DACH2: variants seen among roughly 807,000 people sequenced by gnomAD.
The protein encoded by DACH2 is dachshund family transcription factor 2.
DACH2 carries 17 observed loss-of-function variants against 35.8 expected under a neutral mutation model. That is an observed-to-expected ratio of 0.48 (90% CI 0.33 to 0.71). The LOEUF (loss-of-function observed/expected upper bound fraction) is 0.71, where lower values mean the gene tolerates loss of function less well. DACH2 is among the 30% of genes least tolerant of loss of function. DACH2 has a pLI of 0.02. For missense variants in DACH2, 469 were observed against 472.7 expected (o/e 0.99, Z 0.07); for synonymous variants, 195 against 177.3 (o/e 1.10, Z -0.79).
chrX:86,683,179 T>A (rs773750994), intron 4 of DACH2, among the ~76,000 whole-genome samples: 4 of 111,890 alleles, frequency 3.6e-5, no homozygotes, highest in African/African-American at 1.3e-4. Context: ...TACAGCAATA[T>A]GAAAATTATT....
chrX:86,605,444 A>G (rs2039844564), intron 3 of DACH2, among the ~76,000 whole-genome samples: 1 of 110,466 alleles, frequency 9.1e-6, no homozygotes, highest in Non-Finnish European at 1.9e-5. Flanking sequence ...TTCTATAAAG[A>G]TGTCACCCAT....
chrX:86,766,955 T>C (rs1252447282), intron 7 of DACH2, among the ~76,000 whole-genome samples: 1 of 111,679 alleles, frequency 9.0e-6, no homozygotes, highest in Admixed American at 9.6e-5. Context: ...TTTGCAGCTG[T>C]TCAATATGGT....
chrX:86,174,376 C>T (rs1161713791), intron 1 of DACH2, among the ~76,000 whole-genome samples: 1 of 110,198 alleles, frequency 9.1e-6, no homozygotes, highest in Non-Finnish European at 1.9e-5. Flanking sequence ...ATCCTCCTGC[C>T]TTCACCTCCC....
intron 11 of DACH2, among the ~76,000 whole-genome samples, chrX:86,826,683 T>C (rs1295520443): frequency 8.9e-6 from 1 of 112,158 alleles, no homozygotes; most frequent in African/African-American, 3.2e-5. Context: ...GATTTGAGAA[T>C]ATCATGTTCT....
chrX:86,666,768 A>G (rs1370690351), intron 4 of DACH2, among the ~76,000 whole-genome samples: 1 of 112,052 alleles, frequency 8.9e-6, no homozygotes, highest in Non-Finnish European at 1.9e-5. Flanking sequence ...GGCAATACAT[A>G]GGTAAGATGC....
intron 1 of DACH2, among the ~76,000 whole-genome samples, chrX:86,318,685 A>T (rs1009234976): frequency 3.6e-5 from 4 of 111,298 alleles, no homozygotes; most frequent in Non-Finnish European, 5.7e-5. Context: ...CCATGTACCT[A>T]AACATGTTAA....
At chrX:86,210,214 T>A (rs191539292) in intron 1 of DACH2, among the ~76,000 whole-genome samples, 3 of 111,654 alleles carry the variant, frequency 2.7e-5, no homozygotes, top group African/African-American at 9.7e-5. Context: ...TCTAGTTTTA[T>A]TTTTCTTCAC....
chrX:86,761,114 G>A (rs2041876012), intron 7 of DACH2, among the ~76,000 whole-genome samples: 1 of 111,143 alleles, frequency 9.0e-6, no homozygotes, highest in East Asian at 2.8e-4. Context: ...TGCCATGGTG[G>A]TTTGCTGCAC....
intron 1 of DACH2, among the ~76,000 whole-genome samples, chrX:86,302,805 G>C (rs1347106510): frequency 9.1e-6 from 1 of 110,079 alleles, no homozygotes; most frequent in Non-Finnish European, 1.9e-5. Context: ...ATATGTTTTA[G>C]GGGAGCCTAA....
At chrX:86,306,870 A>G (rs1377565069) in intron 1 of DACH2, among the ~76,000 whole-genome samples, 1 of 111,737 alleles carries the variant, frequency 8.9e-6, no homozygotes, top group Non-Finnish European at 1.9e-5. Context: ...CTAGAGGAAC[A>G]TAATATAAAT....
At chrX:86,274,406 A>G (rs761431365) in intron 1 of DACH2, among the ~76,000 whole-genome samples, 32 of 109,289 alleles carry the variant, frequency 2.9e-4, no homozygotes, top group Non-Finnish European at 5.3e-4. Flanking sequence ...TTAAGTTGTA[A>G]CATTGTCATA....
chrX:86,617,687 A>G (rs1379069980), intron 3 of DACH2, among the ~76,000 whole-genome samples: 2 of 111,850 alleles, frequency 1.8e-5, no homozygotes, highest in East Asian at 2.8e-4. Flanking sequence ...TGCTCTTTCT[A>G]CCATCAAATA....
At chrX:86,757,208 TACAA>T (rs1199754134) in intron 7 of DACH2, among the ~76,000 whole-genome samples, 1 of 111,844 alleles carries the variant, frequency 8.9e-6, no homozygotes, top group Non-Finnish European at 1.9e-5. Context: ...GATATTTTGA[TACAA>T]ACATTCTGCA....
chrX:86,819,396 T>C (rs2042485944), intron 11 of DACH2, among the ~76,000 whole-genome samples: 1 of 110,820 alleles, frequency 9.0e-6, no homozygotes, highest in South Asian at 3.7e-4. Flanking sequence ...CTGTTTCACA[T>C]AAAATAAACA....
intron 4 of DACH2, among the ~76,000 whole-genome samples, chrX:86,692,448 C>A (rs1458316272): frequency 9.0e-6 from 1 of 110,800 alleles, no homozygotes; most frequent in Non-Finnish European, 1.9e-5. Flanking sequence ...AAAGTTCTCA[C>A]CAAAACATAC....
intron 1 of DACH2, among the ~76,000 whole-genome samples, chrX:86,294,562 C>A (rs1375447726): frequency 3.6e-5 from 4 of 109,987 alleles, no homozygotes; most frequent in South Asian, 4.0e-4. Context: ...GTTTTTCCTA[C>A]TTTTGGTCTT....
At chrX:86,248,646 T>C (rs1041487555) in intron 1 of DACH2, among the ~76,000 whole-genome samples, 13 of 111,162 alleles carry the variant, frequency 1.2e-4, no homozygotes, top group Admixed American at 1.9e-4. Context: ...TTCAATGCTA[T>C]TCCTATCAAT....
chrX:86,347,960 AT>A (rs2035525311), intron 1 of DACH2, among the ~76,000 whole-genome samples: 1 of 112,060 alleles, frequency 8.9e-6, no homozygotes, highest in Non-Finnish European at 1.9e-5. Context: ...GTTGTTAAGT[AT>A]TGATACTTAA....
chrX:86,526,116 T>C (rs1489663176), intron 3 of DACH2, among the ~76,000 whole-genome samples: 4 of 111,467 alleles, frequency 3.6e-5, no homozygotes, highest in Non-Finnish European at 5.7e-5. Flanking sequence ...AGTGGATGGC[T>C]GTACTAAAAT....
Sources: allele counts gnomAD v4.1 joint callset (sites outside exome capture counted in the v4.1 genomes callset), GRCh38; gene constraint gnomAD v4.1.1; transcripts MANE v1.5; gene names NCBI Gene and HGNC (gene_info 2026-07-23, HGNC 2026-07-21).